The following PISD variants were observed in gnomAD, a reference collection of about 807,000 sequenced individuals.
PISD encodes the protein phosphatidylserine decarboxylase.
PISD carries 31 observed loss-of-function variants against 43.5 expected under a neutral mutation model. The observed-to-expected ratio is 0.71, with a 90% CI of 0.54 to 0.96. PISD has a LOEUF of 0.96. Ranked by LOEUF, PISD falls within the 40% of genes least tolerant of loss-of-function variation. PISD has a pLI of 0.00. For missense variants in PISD, 523 were observed against 548.4 expected (o/e 0.95, Z 0.46); for synonymous variants, 259 against 228.7 (o/e 1.13, Z -1.20).
intron 3 of PISD, among the ~76,000 whole-genome samples, chr22:31,634,347 C>A (rs2073332912): frequency 6.6e-6 from 1 of 152,242 alleles, no homozygotes; most frequent in South Asian, 2.1e-4. Context: ...GCACAAAGTG[C>A]CTTCAGGCTA....
chr22:31,628,007 C>T, intron 3 of PISD: 2 of 985,094 alleles, frequency 2.0e-6, no homozygotes, highest in Non-Finnish European at 2.4e-6. Flanking sequence ...CCGCACCTGC[C>T]AGTGAGCCCA....
chr22:31,621,709 G>T lies in PISD; in HGVS notation c.498C>A (p.Ser166Arg). The change falls in exon 4 of 8, where the codon AGC becomes AGA. Residue 166 changes from serine to arginine, a missense_variant. By Grantham distance (110) the Ser-to-Arg change is moderately radical. Coordinates refer to ENST00000439502, the MANE Select transcript of PISD (RefSeq NM_001326411.2). ...GCTTCAGCTTGCGCCGGAAGAACTC[G>T]CTGAGGTTGCGGTAGTGATGCAGGT... ...VEDLHHYRNLSEFFRRKLKPQ... is the reference protein window; with the variant it reads ...VEDLHHYRNLREFFRRKLKPQ... 1.4e-5 allele frequency: 22 copies of T among 1,614,062 alleles called. No individual in the cohort carries two copies. Among genetic ancestry groups the T allele is most frequent in the Non-Finnish European group, 1.9e-5 (22 of 1,180,022 alleles).
chr22:31,638,687 A>G (rs1053701755), intron 3 of PISD: 11 of 934,840 alleles, frequency 1.2e-5, no homozygotes, highest in Non-Finnish European at 1.4e-5. Flanking sequence ...TGGTTTTGCT[A>G]TGTTGCCCAG....
chr22:31,625,815 T>TG, intron 3 of PISD: 1 of 1,600,176 alleles, frequency 6.2e-7, no homozygotes. Flanking sequence ...TGACACATCA[T>TG]GGGCCGGCGC....
rs571881859 is a variant in PISD, at chr22:31,661,276, GT to G, written c.65+867del. 4.4e-3 allele frequency among the ~76,000 whole-genome samples: 663 copies of G among 152,214 alleles called. 1 individual carries two copies. The highest frequency in any genetic ancestry group is 0.013 in the African/African-American group (558 of 41,520). On this transcript the variant is annotated intron_variant, in intron 1 of 7. Coordinates refer to ENST00000439502, the MANE Select transcript of PISD (RefSeq NM_001326411.2). ...TGTCCGTCTCCTCCCAAAACAATAG[GT>G]TATCCTCTGATCAACGCTGACAAAA...
intron 3 of PISD, chr22:31,626,061 C>T (rs943263810): frequency 1.4e-6 from 2 of 1,416,668 alleles, no homozygotes; most frequent in African/African-American, 1.4e-5. Context: ...GCTCAGGTCA[C>T]CTGCTCAGGG....
chr22:31,653,389 A>T (rs2074084575), intron 1 of PISD, among the ~76,000 whole-genome samples: 1 of 152,188 alleles, frequency 6.6e-6, no homozygotes, highest in Admixed American at 6.5e-5. Context: ...CAGAATACTG[A>T]AAAACCCCTA....
At chr22:31,631,020 G>GA (rs2073184322) in intron 3 of PISD, among the ~76,000 whole-genome samples, 2 of 152,250 alleles carry the variant, frequency 1.3e-5, no homozygotes, top group Non-Finnish European at 1.5e-5. Context: ...TAAGAGGAAG[G>GA]GCCAAGGCCA....
chr22:31,623,534 C>T (rs2072698854), intron 3 of PISD: 2 of 800,590 alleles, frequency 2.5e-6, no homozygotes, highest in Non-Finnish European at 1.9e-6. Context: ...TTGGCCTTGC[C>T]CACCAATGAA....
chr22:31,629,232 G>GT (rs1490076533), intron 3 of PISD: 6 of 985,140 alleles, frequency 6.1e-6, no homozygotes, highest in Non-Finnish European at 7.2e-6. Flanking sequence ...ATTGTTGTGC[G>GT]TGAGGGGTAG....
intron 3 of PISD, among the ~76,000 whole-genome samples, chr22:31,640,946 G>A (rs1394554676): frequency 7.6e-6 from 1 of 130,984 alleles, no homozygotes; most frequent in Non-Finnish European, 1.5e-5. Context: ...GGAGTGCAAT[G>A]GCGCAATCTC....
intron 3 of PISD, chr22:31,625,687 G>A (rs540902561): frequency 1.3e-5 from 20 of 1,528,660 alleles, no homozygotes; most frequent in Middle Eastern, 1.7e-4. Flanking sequence ...CTGCGAGGCC[G>A]CTGGATGTGA....
intron 3 of PISD, chr22:31,629,190 C>T (rs1304773557): frequency 2.0e-6 from 2 of 985,256 alleles, no homozygotes; most frequent in Non-Finnish European, 2.4e-6. Context: ...GGCCAGGCAG[C>T]AGTTACTACA....
chr22:31,623,938 T>C (rs746772006), intron 3 of PISD: 5 of 1,244,392 alleles, frequency 4.0e-6, no homozygotes, highest in Non-Finnish European at 4.5e-6. Context: ...AGGGCAGGAT[T>C]CCTCCTGTCT....
At chr22:31,645,097 G>A (rs1171898717) in intron 3 of PISD, among the ~76,000 whole-genome samples, 2 of 151,852 alleles carry the variant, frequency 1.3e-5, no homozygotes, top group East Asian at 3.9e-4. Context: ...TTCCAGCCTG[G>A]GTGACAGAGT....
chr22:31,621,951 G>A, intron 3 of PISD, 66 bp from the exon 4 acceptor site: 2 of 1,207,178 alleles, frequency 1.7e-6, no homozygotes, highest in South Asian at 1.2e-5. Context: ...CCCAAGTAGT[G>A]TCATTAGCCC....
At chr22:31,652,962 C>T (rs1029043943) in intron 1 of PISD, among the ~76,000 whole-genome samples, 14 of 151,202 alleles carry the variant, frequency 9.3e-5, no homozygotes, top group African/African-American at 2.7e-4. Flanking sequence ...TCGCCTGAAC[C>T]CAGGAGGCAG....
At chr22:31,660,025 C>A (rs1312874490) in intron 1 of PISD, among the ~76,000 whole-genome samples, 2 of 152,090 alleles carry the variant, frequency 1.3e-5, no homozygotes, top group Non-Finnish European at 2.9e-5. Flanking sequence ...TAAATTATCA[C>A]CCAAGATGTT....
rs2072564246 is a variant in PISD at position 31,621,426 on chromosome 22, T to A, written c.605A>T (p.Asn202Ile). ...CCCCTTTACCTGCTCCACCTCACAG[T>A]TCTTCACCTGCCCAAAGTTGAGGAT... Reference protein sequence around the residue: ...GRILNFGQVKNCEVEQVKGVT... With the variant: ...GRILNFGQVKICEVEQVKGVT... Residue 202 changes from asparagine to isoleucine, a missense_variant, in exon 5 of 8, where the codon AAC (asparagine) becomes ATC (isoleucine). Asn to Ile is a moderately radical substitution (Grantham distance 149, BLOSUM62 -3). Transcript: ENST00000439502. The A allele has an allele frequency of 1.2e-6, 2 of 1,614,108 alleles. No individual in the cohort carries two copies. The highest frequency in any genetic ancestry group is 1.7e-6 in the Non-Finnish European group (2 of 1,180,010).
Sources: gnomAD v4.1 joint callset for allele counts (sites outside exome capture counted in the v4.1 genomes callset) on GRCh38, gnomAD v4.1.1 for gene constraint, MANE v1.5 for transcripts, NCBI Gene and HGNC (gene_info 2026-07-23, HGNC 2026-07-21) for gene names.